The following KCNS3 variants were observed in gnomAD, a reference collection of about 807,000 sequenced individuals.
The protein encoded by KCNS3 is potassium voltage-gated channel modifier subfamily S member 3, also known as delayed-rectifier potassium channel regulatory subunit KCNS3.
A neutral mutation model predicts 31.0 loss-of-function variants in KCNS3; 13 were observed. That is an observed-to-expected ratio of 0.42 (90% CI 0.27 to 0.67). The LOEUF (loss-of-function observed/expected upper bound fraction) is 0.67. Among genes scored for constraint, KCNS3 ranks in the 30% least tolerant of loss-of-function variants. KCNS3 has a pLI of 0.25. For missense variants in KCNS3, 545 were observed against 622.4 expected, an observed-to-expected ratio of 0.88 and a Z score of 1.32; for synonymous variants, 238 against 241.5, an observed-to-expected ratio of 0.99 and a Z score of 0.13.
At chr2:17,923,805 A>G (rs544195857) in intron 2 of KCNS3, among the ~76,000 whole-genome samples, 1 of 151,724 alleles carries the variant, frequency 6.6e-6, no homozygotes, top group Non-Finnish European at 1.5e-5. Context: ...CTTATTTTTC[A>G]GTTTATTGAT....
chr2:17,925,941 C>T (rs1281815875), intron 2 of KCNS3, among the ~76,000 whole-genome samples: 3 of 152,176 alleles, frequency 2.0e-5, no homozygotes, highest in Non-Finnish European at 4.4e-5. Flanking sequence ...AAGGCAAGTC[C>T]CTTCTACCTA....
At chr2:17,886,482 A>G (rs1488396083) in intron 1 of KCNS3, among the ~76,000 whole-genome samples, 2 of 152,142 alleles carry the variant, frequency 1.3e-5, no homozygotes, top group African/African-American at 4.8e-5. Context: ...GAGTTTTCTA[A>G]GTATGGTACC....
chr2:17,928,621 A>T (rs921343378), intron 2 of KCNS3, among the ~76,000 whole-genome samples: 3 of 151,564 alleles, frequency 2.0e-5, no homozygotes, highest in East Asian at 1.9e-4. Flanking sequence ...AATTTTTTTT[A>T]AATTTTATTC....
In KCNS3 at chr2:17,931,970, AC is replaced by A; in HGVS notation, c.964del (p.His322MetfsTer47). On this transcript the variant is annotated frameshift_variant, in exon 3 of 3. Coordinates refer to ENST00000304101, the MANE Select transcript of KCNS3 (RefSeq NM_002252.5). LOFTEE classifies it high-confidence loss of function. The surrounding 1 kb of genome is among the most constrained non-coding windows in gnomAD (Gnocchi z 5.4). Reference protein sequence around the residue: ...RSLGATLRHSYHEVGLLLLFL... With the variant: ...RSLGATLRHSXHEVGLLLLFL... ...CTAGGTGCCACACTGAGACACAGCT[AC>A]CATGAAGTTGGGCTTCTGCTTCTCT... 6.2e-7 allele frequency: 1 copy of A among 1,613,900 alleles called. No individual in the cohort carries two copies.
rs756905359 is a variant in KCNS3 at position 17,931,394 on chromosome 2, A to G, written c.386A>G (p.His129Arg). The G allele has an allele frequency of 2.5e-6, 4 of 1,614,172 alleles. No homozygotes were observed. In the South Asian group the frequency reaches 4.4e-5, roughly 18 times the overall value. The change falls in exon 3 of 3, where the codon CAC (histidine) becomes CGC (arginine). Residue 129 changes from histidine to arginine, a missense_variant. Coordinates refer to ENST00000304101, the MANE Select transcript of KCNS3 (RefSeq NM_002252.5). This position sits in a 1 kb window ranked among gnomAD's most constrained non-coding sequence, Gnocchi z 5.4. ...TACCAGGAACGCAAGGAGGAAAACC[A>G]CGAGAAGGACTGGGACCAGAAAAGC... ...NRYQERKEEN[H>R]EKDWDQKSHD...
chr2:17,902,612 C>T (rs1194423125), intron 1 of KCNS3, among the ~76,000 whole-genome samples: 1 of 152,140 alleles, frequency 6.6e-6, no homozygotes, highest in African/African-American at 2.4e-5. Flanking sequence ...TAGATCTTTA[C>T]TAGTGTTAAA....
intron 1 of KCNS3, among the ~76,000 whole-genome samples, chr2:17,907,870 T>A (rs906867825): frequency 2.0e-5 from 3 of 152,226 alleles, no homozygotes; most frequent in Non-Finnish European, 2.9e-5. Flanking sequence ...CAACCCGACC[T>A]TTCTCTCTGG....
At chr2:17,884,265 AAAAATATATAT>A (rs1320069043) in intron 1 of KCNS3, among the ~76,000 whole-genome samples, 16 of 44,382 alleles carry the variant, frequency 3.6e-4, no homozygotes, top group East Asian at 8.5e-4. Flanking sequence ...TTAAAAAAAA[AAAAATATATAT>A]ATATATATAT....
intron 1 of KCNS3, among the ~76,000 whole-genome samples, chr2:17,899,150 C>T (rs985372269): frequency 6.6e-6 from 1 of 151,764 alleles, no homozygotes; most frequent in Admixed American, 6.6e-5. Context: ...CGCTTGAACC[C>T]GGGAGGTGGA....
At chr2:17,921,956 TATAAATAC>T (rs1662726125) in intron 2 of KCNS3, among the ~76,000 whole-genome samples, 1 of 136,730 alleles carries the variant, frequency 7.3e-6, no homozygotes, top group Non-Finnish European at 1.6e-5. Context: ...TATATATATA[TATAAATAC>T]ATATACATAT....
intron 2 of KCNS3, among the ~76,000 whole-genome samples, chr2:17,922,423 G>C (rs777910142): frequency 4.0e-4 from 61 of 152,172 alleles, no homozygotes; most frequent in Admixed American, 3.1e-3. Context: ...TGTCAAGGCT[G>C]GTCTCAAACT....
In KCNS3 at chr2:17,932,838, G is replaced by T. The variant is rs934683484; in HGVS notation, c.*354G>T. On this transcript the variant is annotated 3_prime_UTR_variant, in exon 3 of 3. Transcript: ENST00000304101. ...AAATTACTGACAAGTAGAATCAAAG[G>T]TGCAGCTGACTGAGACGACATGCAT... The T allele has an allele frequency of 5.1e-6, 1 of 197,116 alleles. No individual in the cohort carries two copies. The highest frequency in any genetic ancestry group is 1.1e-5 in the Non-Finnish European group (1 of 88,516). The allele number at this position is 197,116 out of a possible 1,614,324, so 12.2% of individuals were successfully genotyped here.
intron 1 of KCNS3, among the ~76,000 whole-genome samples, chr2:17,882,226 C>A (rs1308504337): frequency 6.6e-6 from 1 of 152,186 alleles, no homozygotes; most frequent in African/African-American, 2.4e-5. Context: ...TAGAACAATA[C>A]AAGATGCTAA....
At chr2:17,895,950 A>G (rs927020939) in intron 1 of KCNS3, among the ~76,000 whole-genome samples, 4 of 152,198 alleles carry the variant, frequency 2.6e-5, no homozygotes, top group African/African-American at 9.7e-5. Context: ...AACAGACAGG[A>G]TAGAGTTTAG....
At chr2:17,921,915 G>GTGTA (rs375189924) in intron 2 of KCNS3, among the ~76,000 whole-genome samples, 129 of 32,760 alleles carry the variant, frequency 3.9e-3, no homozygotes, top group South Asian at 0.011. Flanking sequence ...GTGTGTGTGT[G>GTGTA]TATATATATA....
intron 1 of KCNS3, among the ~76,000 whole-genome samples, chr2:17,896,844 A>G (rs1662040419): frequency 6.6e-6 from 1 of 152,180 alleles, no homozygotes. Flanking sequence ...CTCTCTGAAG[A>G]GATCTCTTCC....
At chr2:17,897,231 T>C (rs1662050013) in intron 1 of KCNS3, among the ~76,000 whole-genome samples, 1 of 152,222 alleles carries the variant, frequency 6.6e-6, no homozygotes, top group African/African-American at 2.4e-5. Context: ...GATTTTGTTC[T>C]TTTTTACAGT....
rs772419062 is a variant in KCNS3, at chr2:17,931,554, G to C, written c.546G>C (p.Leu182=). ...WIRMENPAYC[L]SAKLIAISSL... ...GAATGGAGAATCCAGCGTACTGCCT[G>C]TCCGCTAAGCTTATCGCTATCTCCT... is the stretch of plus-strand genomic sequence containing the variant. Residue 182 remains leucine, a synonymous_variant, in exon 3 of 3, where the codon CTG becomes CTC. Transcript: ENST00000304101. The surrounding 1 kb of genome is among the most constrained non-coding windows in gnomAD (Gnocchi z 5.4). The C allele has an allele frequency of 3.1e-6, 5 of 1,614,188 alleles. No homozygotes were observed. The highest frequency in any genetic ancestry group is 4.2e-6 in the Non-Finnish European group (5 of 1,180,028).
chr2:17,914,093 G>T (rs1051566652), intron 1 of KCNS3, among the ~76,000 whole-genome samples: 1 of 152,168 alleles, frequency 6.6e-6, no homozygotes, highest in Non-Finnish European at 1.5e-5. Flanking sequence ...CTATCTCTTA[G>T]CCTTGCAACT....
Sources: allele counts gnomAD v4.1 joint callset (sites outside exome capture counted in the v4.1 genomes callset), GRCh38; gene constraint gnomAD v4.1.1; non-coding constraint Gnocchi (gnomAD v3.1); transcripts MANE v1.5; gene names NCBI Gene and HGNC (gene_info 2026-07-23, HGNC 2026-07-21).